NSL1: variants seen among roughly 807,000 people sequenced by gnomAD.
The protein encoded by NSL1 is NSL1 component of MIS12 kinetochore complex, also known as kinetochore-associated protein NSL1 homolog.
In NSL1, 11 loss-of-function variants were observed where a neutral mutation model predicts 25.4. That is an observed-to-expected ratio of 0.43 (90% confidence interval 0.27 to 0.72). The LOEUF is 0.72. Ranked by LOEUF, NSL1 falls within the 30% of genes least tolerant of loss-of-function variation. The pLI is 0.19. For missense variants in NSL1, 330 were observed against 342.7 expected, an observed-to-expected ratio of 0.96 and a Z score of 0.29; for synonymous variants, 118 against 120.6, an observed-to-expected ratio of 0.98 and a Z score of 0.14.
At position 212,784,435 on chromosome 1, in the gene NSL1, T is replaced by C. The variant is rs1660857145; in HGVS notation, c.372A>G (p.Thr124=). The C allele has an allele frequency of 1.9e-6, 3 of 1,598,154 alleles. No individual in the cohort carries two copies. Among genetic ancestry groups the C allele is most frequent in the Non-Finnish European group, 2.6e-6 (3 of 1,167,902 alleles). Residue 124 remains threonine (T), a synonymous_variant, in exon 3 of 6, where the codon ACA becomes ACG. Transcript: ENST00000366977. ...TCTTTCTGGGATACTGCTTACGTTT[T>C]GTGGCTATATCTACTATGATTTCAT... ...QFDEIIVDIA[T]KRKQYPRKIL...
intron 4 of NSL1, among the ~76,000 whole-genome samples, chr1:212,752,971 G>C (rs1659136422): frequency 6.6e-6 from 1 of 151,510 alleles, no homozygotes; most frequent in Non-Finnish European, 1.5e-5. Context: ...ATCACGCACA[G>C]CATCAGATGT....
chr1:212,779,360 C>T (rs186596167), intron 4 of NSL1, among the ~76,000 whole-genome samples: 6,750 of 138,504 alleles, frequency 0.049, 240 homozygotes, highest in African/African-American at 0.069. Context: ...CCCGGCCAGC[C>T]GCCCCATCTC....
intron 4 of NSL1, chr1:212,781,979 T>C: frequency 6.2e-6 from 3 of 483,118 alleles, no homozygotes; most frequent in South Asian, 3.1e-5. Context: ...TTAGAAATAA[T>C]GAGAAACCAA....
intron 4 of NSL1, among the ~76,000 whole-genome samples, chr1:212,749,950 C>G (rs1425725130): frequency 7.0e-6 from 1 of 143,006 alleles, no homozygotes; most frequent in Admixed American, 7.1e-5. Context: ...CCCCTGACTA[C>G]AAAGTGCCAG....
Position 212,791,749 on chromosome 1 carries a change from A to G in NSL1, c.15T>C (p.Pro5=), listed in dbSNP as rs770800759. ...ATGGAGGGTCAAGGACCACCAACTC[A>G]GGAGACCCCGCCATTTTTCGTCGGA... MAGS[P]ELVVLDPPWD... is the part of the protein sequence containing the mutation. Residue 5 remains proline (P), a synonymous_variant, in exon 1 of 6, where the codon CCT becomes CCC. Coordinates refer to ENST00000366977, the MANE Select transcript of NSL1 (RefSeq NM_015471.4). The G allele has an allele frequency of 1.9e-6, 3 of 1,606,544 alleles. No homozygotes were observed. The highest frequency in any genetic ancestry group is 1.7e-4 in the Middle Eastern group (1 of 6,006).
chr1:212,757,268 T>C (rs1445586000), intron 4 of NSL1, among the ~76,000 whole-genome samples: 3 of 152,118 alleles, frequency 2.0e-5, no homozygotes, highest in African/African-American at 4.8e-5. Context: ...GACCATATCA[T>C]TGAGGGCCTC....
intron 4 of NSL1, among the ~76,000 whole-genome samples, chr1:212,744,195 C>T (rs1384581208): frequency 1.3e-5 from 2 of 152,120 alleles, no homozygotes; most frequent in Non-Finnish European, 1.5e-5. Flanking sequence ...CATATCCCGA[C>T]ATACACCTAC....
rs78941977 is a variant in NSL1 at position 212,759,573 on chromosome 1, T to G, written c.500-19972A>C. ...CCATACAACATTAATTCCAGAGAGA[T>G]AGCACTGGGTACCTCACATACCCCC... is the stretch of plus-strand genomic sequence containing the variant. On this transcript the variant is annotated intron_variant, in intron 4 of 5. Transcript: ENST00000366977. Among the ~76,000 whole-genome samples the G allele has an allele frequency of 3.9e-5, 6 of 151,984 alleles. No individual in the cohort carries two copies. In the South Asian group the frequency reaches 6.2e-4, roughly 16 times the overall value.
At chr1:212,777,431 C>T (rs978042529) in intron 4 of NSL1, among the ~76,000 whole-genome samples, 2 of 151,712 alleles carry the variant, frequency 1.3e-5, no homozygotes, top group Non-Finnish European at 2.9e-5. Context: ...CTAAGTTAGT[C>T]CCCCTGTAAA....
intron 4 of NSL1, among the ~76,000 whole-genome samples, chr1:212,779,043 G>A (rs1660532549): frequency 6.9e-6 from 1 of 144,150 alleles, no homozygotes; most frequent in Non-Finnish European, 1.5e-5. Context: ...GAGCGCCTCT[G>A]CCCGGCCACG....
intron 4 of NSL1, among the ~76,000 whole-genome samples, chr1:212,749,169 GCA>G (rs1237721868): frequency 6.6e-6 from 1 of 151,816 alleles, no homozygotes; most frequent in Non-Finnish European, 1.5e-5. Flanking sequence ...CAATATATGT[GCA>G]CACACACATA....
At chr1:212,786,827 G>T (rs935583867) in intron 2 of NSL1, among the ~76,000 whole-genome samples, 5 of 152,194 alleles carry the variant, frequency 3.3e-5, no homozygotes, top group South Asian at 2.1e-4. Context: ...AAGAAAAATT[G>T]AACAGGAAAG....
Position 212,760,412 on chromosome 1 carries a change from A to G in NSL1, c.500-20811T>C, listed in dbSNP as rs924621467. Among the ~76,000 whole-genome samples, 7 of 152,090 alleles carry G rather than the reference A, an allele frequency of 4.6e-5. No homozygotes were observed. Among genetic ancestry groups the G allele is most frequent in the Non-Finnish European group, 8.8e-5 (6 of 68,004 alleles). On this transcript the variant is annotated intron_variant, in intron 4 of 5. Coordinates refer to ENST00000366977, the MANE Select transcript of NSL1 (RefSeq NM_015471.4). The surrounding 1 kb of genome is among the most constrained non-coding windows in gnomAD (Gnocchi z 4.3). ...ACACACTCAGCCATCAAGGGGCCTG[A>G]TAACAGGCCCAGCCAACATACTGCG...
At chr1:212,761,974 A>T (rs933017323) in intron 4 of NSL1, among the ~76,000 whole-genome samples, 1 of 96,964 alleles carries the variant, frequency 1.0e-5, no homozygotes, top group African/African-American at 5.3e-5. Context: ...GATGAGCTAA[A>T]AAAAAAAAAA....
Position 212,738,457 on chromosome 1 carries a change from T to C in NSL1, c.797A>G (p.Gln266Arg). 3 of 1,613,964 alleles carry C rather than the reference T, an allele frequency of 1.9e-6. No homozygotes were observed. Among genetic ancestry groups the C allele is most frequent in the Non-Finnish European group, 2.5e-6 (3 of 1,179,948 alleles). The change falls in exon 6 of 6, where the codon CAG (glutamine) becomes CGG (arginine). Residue 266 changes from glutamine to arginine, a missense_variant. Coordinates refer to ENST00000366977, the MANE Select transcript of NSL1 (RefSeq NM_015471.4). ...TGGCCGCAATGGATACCATTTTCTCTGGGGGCAGTCTTTAGTTTGCTTTCT... is the reference window on the plus strand; with the variant it reads ...TGGCCGCAATGGATACCATTTTCTCCGGGGGCAGTCTTTAGTTTGCTTTCT... ...LKRKQTKDCP[Q>R]RKWYPLRPKK...
intron 2 of NSL1, among the ~76,000 whole-genome samples, chr1:212,787,063 T>G (rs1660977846): frequency 6.6e-6 from 1 of 151,690 alleles, no homozygotes; most frequent in African/African-American, 2.4e-5. Context: ...CTAGGGAGGC[T>G]GAGGCACAAG....
At chr1:212,740,473 G>A (rs1243545814) in intron 4 of NSL1, among the ~76,000 whole-genome samples, 2 of 124,282 alleles carry the variant, frequency 1.6e-5, no homozygotes, top group Admixed American at 1.5e-4. Flanking sequence ...GATAATCTCA[G>A]AAAAGGGTTT....
intron 1 of NSL1, among the ~76,000 whole-genome samples, chr1:212,790,082 G>C (rs1385989518): frequency 3.3e-5 from 5 of 151,628 alleles, no homozygotes; most frequent in Non-Finnish European, 7.4e-5. Context: ...GGCGAGATCT[G>C]GGCTCACTGC....
At position 212,727,741 on chromosome 1, in the gene NSL1, C is replaced by CA. The variant is rs1657845764; in HGVS notation, c.*10666dup. The CA allele has an allele frequency of 1.0e-6, 1 of 984,608 alleles. No homozygotes were observed. The highest frequency in any genetic ancestry group is 1.7e-5 in the African/African-American group (1 of 57,208). 61.0% of individuals were successfully genotyped at this position (984,608 alleles called of 1,614,324 possible). A position where few individuals can be genotyped will look rare whatever the true frequency, so the allele number is the denominator to read the frequency against. ...TTTATATTTCCCAAGAAATTAACAG[C>CA]AAAAGTTCATATTTAACCTCATTAA... On this transcript the variant is annotated 3_prime_UTR_variant, in exon 6 of 6. Transcript: ENST00000366977.
Sources: allele counts gnomAD v4.1 joint callset (sites outside exome capture counted in the v4.1 genomes callset), GRCh38; gene constraint gnomAD v4.1.1; non-coding constraint Gnocchi (gnomAD v3.1); transcripts MANE v1.5; gene names NCBI Gene and HGNC (gene_info 2026-07-23, HGNC 2026-07-21).